FHAD1: variants seen among roughly 807,000 people sequenced by gnomAD.
FHAD1 encodes forkhead-associated domain-containing protein 1.
A neutral mutation model predicts 191.3 loss-of-function variants in FHAD1; 146 were observed. The observed-to-expected ratio is 0.76, with a 90% CI of 0.67 to 0.88. The LOEUF (loss-of-function observed/expected upper bound fraction) is 0.88. FHAD1 is among the 40% of genes least tolerant of loss of function. The pLI is 0.00. For synonymous variants in FHAD1, 616 were observed against 672.3 expected, an observed-to-expected ratio of 0.92 and a Z score of 1.29; for missense variants, 1,635 against 1,785.8, an observed-to-expected ratio of 0.92 and a Z score of 1.52.
intron 9 of FHAD1, among the ~76,000 whole-genome samples, chr1:15,317,485 T>G (rs575709831): frequency 6.6e-6 from 1 of 152,338 alleles, no homozygotes; most frequent in Admixed American, 6.5e-5. Flanking sequence ...TTCCAAACAG[T>G]TGGCCCTTTA....
At chr1:15,243,339 T>G (rs1365046487), upstream of FHAD1, among the ~76,000 whole-genome samples, 1 of 152,186 alleles carries the variant, frequency 6.6e-6, no homozygotes, top group Non-Finnish European at 1.5e-5. Flanking sequence ...GAGTCTCTAG[T>G]GGGCCCTCTG....
At chr1:15,342,319 T>C (rs2479084) in intron 16 of FHAD1, among the ~76,000 whole-genome samples, 21,855 of 152,178 alleles carry the variant, frequency 0.14, 2,684 homozygotes, top group African/African-American at 0.33. Context: ...TTTCTAGAAA[T>C]CAAGCCAGTT....
intron 3 of FHAD1, among the ~76,000 whole-genome samples, chr1:15,288,686 T>C (rs1046872821): frequency 1.2e-4 from 18 of 152,238 alleles, no homozygotes; most frequent in Admixed American, 1.2e-3. Flanking sequence ...GTAAGGTAGA[T>C]GAAAAGTCCC....
downstream of FHAD1, among the ~76,000 whole-genome samples, chr1:15,399,174 C>G (rs1175624409): frequency 6.6e-6 from 1 of 152,032 alleles, no homozygotes; most frequent in African/African-American, 2.4e-5. Context: ...TATTTTAAAA[C>G]CAAATATATT....
chr1:15,324,420 G>A (rs377328965), intron 10 of FHAD1, 32 bp from the exon 11 acceptor site: 283 of 1,478,716 alleles, frequency 1.9e-4, no homozygotes, highest in Middle Eastern at 6.8e-4. Context: ...GATCACATTA[G>A]CAGCAAGTAC....
At chr1:15,277,825 C>A (rs1658980882) in intron 3 of FHAD1, among the ~76,000 whole-genome samples, 1 of 152,144 alleles carries the variant, frequency 6.6e-6, no homozygotes, top group Non-Finnish European at 1.5e-5. Context: ...CTTGCAGTTT[C>A]TTTTTTGATG....
At chr1:15,328,519 G>A (rs774516350) in intron 13 of FHAD1, 90 bp downstream of exon 13, 4 of 1,135,214 alleles carry the variant, frequency 3.5e-6, no homozygotes, top group Non-Finnish European at 4.6e-6. Context: ...TTTGGAGCAA[G>A]TTGGGCAGAA....
chr1:15,345,318 G>A, intron 17 of FHAD1, 98 bp from the exon 18 acceptor site: 1 of 1,354,314 alleles, frequency 7.4e-7, no homozygotes, highest in South Asian at 1.3e-5. Context: ...CCCTAGGGAG[G>A]TGTAGTCTGG....
intron 18 of FHAD1, 123 bp downstream of exon 18, chr1:15,345,646 T>TG (rs1183555890): frequency 1.7e-5 from 13 of 785,174 alleles, no homozygotes; most frequent in Non-Finnish European, 2.3e-5. Flanking sequence ...AGTTTGCGTT[T>TG]GGGTGGGCTC....
intron 33 of FHAD1, among the ~76,000 whole-genome samples, chr1:15,392,049 G>A (rs1351457502): frequency 3.3e-5 from 5 of 152,230 alleles, no homozygotes; most frequent in Non-Finnish European, 7.3e-5. Context: ...TAGGGATATT[G>A]TGGTGCTCTT....
At chr1:15,296,843 C>T (rs1347363236) in intron 5 of FHAD1, 50 bp downstream of exon 5, 4 of 1,439,420 alleles carry the variant, frequency 2.8e-6, no homozygotes, top group Admixed American at 4.0e-5. Context: ...AAGCGCACTG[C>T]AAAGGGACTT....
At chr1:15,282,566 A>G (rs1348957629) in intron 3 of FHAD1, among the ~76,000 whole-genome samples, 1 of 152,210 alleles carries the variant, frequency 6.6e-6, no homozygotes, top group African/African-American at 2.4e-5. Context: ...AAAGATTTGT[A>G]TTGGAACCTC....
chr1:15,328,471 A>G (rs1413718343), intron 13 of FHAD1, 42 bp downstream of exon 13: 1 of 1,352,766 alleles, frequency 7.4e-7, no homozygotes, highest in Non-Finnish European at 9.6e-7. Context: ...CTCTTTGTCT[A>G]ATTTTTGTGC....
intron 28 of FHAD1, among the ~76,000 whole-genome samples, chr1:15,379,361 T>G (rs942750093): frequency 2.6e-5 from 4 of 152,210 alleles, no homozygotes; most frequent in Non-Finnish European, 4.4e-5. Context: ...TCTCAATGCT[T>G]TACAAAGCAG....
intron 1 of FHAD1, among the ~76,000 whole-genome samples, chr1:15,238,005 C>CT (rs2100460941): frequency 6.6e-6 from 1 of 151,962 alleles, no homozygotes; most frequent in African/African-American, 2.4e-5. Flanking sequence ...AATCCCAGCA[C>CT]TTTGGGAGGC....
chr1:15,385,981 C>A (rs902698439), intron 31 of FHAD1, among the ~76,000 whole-genome samples: 1 of 152,196 alleles, frequency 6.6e-6, no homozygotes. Context: ...TGTGCCCAAT[C>A]TAGTCCACTT....
At position 15,381,217 on chromosome 1, in the gene FHAD1, C is replaced by T. The variant is rs1187175127; in HGVS notation, c.3802-14C>T. ...GCGGGTAATGCCTCTTATGCGCGAACGTTTTCCTTGTAGTACCTGGATATG... is the reference window on the plus strand; with the variant it reads ...GCGGGTAATGCCTCTTATGCGCGAATGTTTTCCTTGTAGTACCTGGATATG... On this transcript the variant is annotated splice_polypyrimidine_tract_variant and intron_variant, in intron 29 of 33. Transcript: ENST00000688493. The surrounding 1 kb of genome is among the most constrained non-coding windows in gnomAD (Gnocchi z 4.6). The T allele has an allele frequency of 7.1e-6, 11 of 1,543,644 alleles. No individual in the cohort carries two copies. Among genetic ancestry groups the T allele is most frequent in the South Asian group, 3.6e-5 (3 of 83,772 alleles).
chr1:15,393,430 G>GCACA (rs57536175), intron 33 of FHAD1, among the ~76,000 whole-genome samples: 22,176 of 146,702 alleles, frequency 0.15, 1,940 homozygotes, highest in African/African-American at 0.25. Flanking sequence ...ACACACACAC[G>GCACA]CACACACACA....
At chr1:15,366,086 G>A (rs1696346325) in intron 24 of FHAD1, among the ~76,000 whole-genome samples, 153 bp downstream of exon 24, 1 of 152,050 alleles carries the variant, frequency 6.6e-6, no homozygotes, top group African/African-American at 2.4e-5. Flanking sequence ...AGGAGTTCAA[G>A]ACCAGCCTGG....
Sources: allele counts gnomAD v4.1 joint callset (sites outside exome capture counted in the v4.1 genomes callset), GRCh38; gene constraint gnomAD v4.1.1; non-coding constraint Gnocchi (gnomAD v3.1); transcripts MANE v1.5; gene names NCBI Gene and HGNC (gene_info 2026-07-23, HGNC 2026-07-21).